The following ACOT12 variants were observed in gnomAD, a reference collection of about 807,000 sequenced individuals.
ACOT12 encodes the protein acyl-CoA thioesterase 12, also known as acetyl-coenzyme A thioesterase.
ACOT12 carries 51 observed loss-of-function variants against 67.7 expected under a neutral mutation model. The ratio of observed to expected loss-of-function variants is 0.75; its 90% CI spans 0.60 to 0.95. The LOEUF (loss-of-function observed/expected upper bound fraction) is 0.95. Among genes scored for constraint, ACOT12 ranks in the 40% least tolerant of loss-of-function variants. The probability of loss-of-function intolerance (pLI) is 0.00; values close to 1 mark genes in which losing one functional copy is unlikely to be tolerated. For synonymous variants in ACOT12, 251 were observed against 244.6 expected (o/e 1.03, Z -0.24); for missense variants, 734 against 708.1 (o/e 1.04, Z -0.41).
At chr5:81,331,398 A>G (rs1259211907) in intron 13 of ACOT12, among the ~76,000 whole-genome samples, 1 of 152,118 alleles carries the variant, frequency 6.6e-6, no homozygotes, top group Non-Finnish European at 1.5e-5. Context: ...TTAGCTGACC[A>G]TGGTGGCGCA....
At chr5:81,343,697 G>C in intron 10 of ACOT12, 121 bp downstream of exon 10, 2 of 913,650 alleles carry the variant, frequency 2.2e-6, no homozygotes, top group Non-Finnish European at 3.3e-6. Context: ...ATGACTGGCT[G>C]ATATAATCCA....
intron 11 of ACOT12, among the ~76,000 whole-genome samples, chr5:81,340,553 T>G (rs1426013589): frequency 6.6e-6 from 1 of 151,826 alleles, no homozygotes; most frequent in African/African-American, 2.4e-5. Flanking sequence ...GTAGAGACAG[T>G]GTTTCACCAT....
chr5:81,362,069 A>G (rs1463447449), intron 4 of ACOT12, among the ~76,000 whole-genome samples: 1 of 152,138 alleles, frequency 6.6e-6, no homozygotes, highest in Admixed American at 6.6e-5. Flanking sequence ...GAACCAACCA[A>G]TTATGTTAGC....
chr5:81,327,385 C>T (rs980174138), downstream of ACOT12, among the ~76,000 whole-genome samples: 2 of 151,984 alleles, frequency 1.3e-5, no homozygotes, highest in African/African-American at 4.8e-5. Context: ...ATAGAGAAAC[C>T]GAATGCAGAT....
At chr5:81,374,427 T>C (rs541149487) in intron 2 of ACOT12, among the ~76,000 whole-genome samples, 1 of 152,226 alleles carries the variant, frequency 6.6e-6, no homozygotes, top group Middle Eastern at 3.4e-3. Flanking sequence ...CCAGAATGCC[T>C]CTTCTCCTTC....
intron 4 of ACOT12, among the ~76,000 whole-genome samples, chr5:81,361,077 C>CAAAAAAAAAAAAAAA (rs71000820): frequency 2.7e-4 from 14 of 52,556 alleles, no homozygotes; most frequent in Non-Finnish European, 3.4e-4. Flanking sequence ...GACTCCATCT[C>CAAAAAAAAAAAAAAA]AAAAAAAAAA....
chr5:81,385,688 G>T, intron 2 of ACOT12, 69 bp downstream of exon 2: 2 of 1,422,548 alleles, frequency 1.4e-6, no homozygotes, highest in Non-Finnish European at 2.0e-6. Context: ...AAGCTCAGGT[G>T]CCACCAATAC....
intron 13 of ACOT12, among the ~76,000 whole-genome samples, chr5:81,331,895 C>T (rs1758840383): frequency 6.6e-6 from 1 of 152,166 alleles, no homozygotes; most frequent in Non-Finnish European, 1.5e-5. Context: ...TGTAGTATGG[C>T]TCTACCATAA....
chr5:81,340,020 C>T (rs1399411549), intron 11 of ACOT12, among the ~76,000 whole-genome samples: 8 of 151,554 alleles, frequency 5.3e-5, no homozygotes, highest in Admixed American at 2.0e-4. Context: ...CTGTCAGACC[C>T]GGCTTTGAGG....
chr5:81,334,055 GGA>G (rs1758916572), intron 12 of ACOT12, among the ~76,000 whole-genome samples: 1 of 152,184 alleles, frequency 6.6e-6, no homozygotes, highest in Admixed American at 6.5e-5. Flanking sequence ...GGTGGTCAGA[GGA>G]GAGTCTGGTG....
chr5:81,364,439 T>G (rs1374951047), intron 3 of ACOT12, among the ~76,000 whole-genome samples: 1 of 152,146 alleles, frequency 6.6e-6, no homozygotes, highest in Non-Finnish European at 1.5e-5. Context: ...ATTTTTTTTT[T>G]TTGTTTTGAG....
the ACOT12 span, chr5:81,311,232 G>T: frequency 1.2e-6 from 2 of 1,614,080 alleles, no homozygotes; most frequent in South Asian, 1.1e-5. Flanking sequence ...AAACTTTGTG[G>T]CTCTGTGGAA....
the ACOT12 span, among the ~76,000 whole-genome samples, chr5:81,324,274 T>C: frequency 6.6e-6 from 1 of 152,280 alleles, no homozygotes; most frequent in African/African-American, 2.4e-5. Flanking sequence ...TGAGAGAAGA[T>C]AGCGTTTTGG....
At chr5:81,391,866 G>C (rs34955738) in intron 1 of ACOT12, among the ~76,000 whole-genome samples, 22,653 of 152,100 alleles carry the variant, frequency 0.15, 2,107 homozygotes, top group Admixed American at 0.21. Context: ...AAGGTGGAGA[G>C]AGAAATATCA....
intron 3 of ACOT12, among the ~76,000 whole-genome samples, chr5:81,371,236 A>G (rs1281985123): frequency 6.6e-6 from 1 of 152,020 alleles, no homozygotes; most frequent in Non-Finnish European, 1.5e-5. Flanking sequence ...TCATGTTTAA[A>G]TGTGTTGGTT....
chr5:81,311,190 G>A, the ACOT12 span: 7 of 1,613,956 alleles, frequency 4.3e-6, no homozygotes, highest in Non-Finnish European at 5.9e-6. Context: ...ATGGTATTCA[G>A]TGGCTTTGCT....
At chr5:81,330,713 C>T in intron 14 of ACOT12, 101 bp downstream of exon 14, 2 of 1,541,568 alleles carry the variant, frequency 1.3e-6, no homozygotes, top group African/African-American at 1.4e-5. Flanking sequence ...AGTGTGGACA[C>T]AAATTACAAG....
At chr5:81,379,317 C>A (rs146916362) in intron 2 of ACOT12, among the ~76,000 whole-genome samples, 2 of 33,790 alleles carry the variant, frequency 5.9e-5, no homozygotes, top group Non-Finnish European at 1.4e-4. Context: ...ACATCACACA[C>A]GGGGGTCTGT....
chr5:81,335,633 T>A lies in ACOT12; in HGVS notation c.1262+135A>T, dbSNP rs910625268. 10 of 1,128,516 alleles carry A rather than the reference T, an allele frequency of 8.9e-6. 1 individual carries two copies. The Admixed American group carries it at 2.1e-4, about 23-fold the overall frequency. 69.9% of individuals were successfully genotyped at this position (1,128,516 alleles called of 1,614,324 possible). A position where few individuals can be genotyped will look rare whatever the true frequency, so the allele number is the denominator to read the frequency against. ...CCTGCCTCAGCCTCCCAAAGTGCTATGCTGGGTCAAACTTCTAAAAATACT... is the reference window on the plus strand; with the variant it reads ...CCTGCCTCAGCCTCCCAAAGTGCTAAGCTGGGTCAAACTTCTAAAAATACT... On this transcript the variant is annotated intron_variant, in intron 12 of 14. Transcript: ENST00000307624.
Sources: gnomAD v4.1 joint callset for allele counts (sites outside exome capture counted in the v4.1 genomes callset) on GRCh38, gnomAD v4.1.1 for gene constraint, MANE v1.5 for transcripts, NCBI Gene and HGNC (gene_info 2026-07-23, HGNC 2026-07-21) for gene names.